Variants in PUM3 observed in about 807,000 individuals in gnomAD.
PUM3 encodes the protein pumilio homolog 3.
Under a neutral mutation model 84.0 loss-of-function variants are expected in PUM3, and 91 were observed. The observed-to-expected ratio is 1.08, with a 90% CI of 0.91 to 1.29. PUM3 has a LOEUF of 1.29. PUM3 is among the 50% of genes most tolerant of loss of function. The pLI is 0.00. For synonymous variants in PUM3, 321 were observed against 266.7 expected (o/e 1.20, Z -1.98); for missense variants, 1,067 against 767.5 (o/e 1.39, Z -4.61).
intron 3 of PUM3, among the ~76,000 whole-genome samples, chr9:2,835,973 T>C (rs1875440): frequency 0.5 from 76,165 of 151,526 alleles, 19,495 homozygotes; most frequent in South Asian, 0.61. Context: ...TGGGATCTAG[T>C]AGAGAGGTTA....
chr9:2,820,888 T>G (rs1292758029), intron 12 of PUM3, among the ~76,000 whole-genome samples: 1 of 152,138 alleles, frequency 6.6e-6, no homozygotes, highest in Non-Finnish European at 1.5e-5. Flanking sequence ...TACTTTATGT[T>G]AAGAACAAAA....
chr9:2,837,254 G>T lies in PUM3; in HGVS notation c.230C>A (p.Ser77Ter). The stretch of plus-strand genomic sequence containing the variant: ...TGCCGGCTGGAATTTGTTCTTTGGT[G>T]ATTTGTCCCCTTGCTGCTTATTCTT... ...QFKNKQQGDK[S>*]PKNKFQPANK... The change falls in exon 3 of 18, where the codon TCA (serine) becomes TAA (stop). Residue 77 changes from serine to a stop codon, truncating the protein, a stop_gained. Coordinates refer to ENST00000397885, the MANE Select transcript of PUM3 (RefSeq NM_014878.5). LOFTEE classifies it high-confidence loss of function. 1 of 1,614,068 alleles carries T rather than the reference G, an allele frequency of 6.2e-7. No individual in the cohort carries two copies.
At chr9:2,824,597 A>C in intron 11 of PUM3, 120 bp downstream of exon 11, 1 of 508,342 alleles carries the variant, frequency 2.0e-6, no homozygotes, top group Non-Finnish European at 3.1e-6. Context: ...TTTGGAAGAT[A>C]ATGCACAACA....
At chr9:2,806,651 G>C (rs1435992481) in intron 17 of PUM3, among the ~76,000 whole-genome samples, 2 of 152,150 alleles carry the variant, frequency 1.3e-5, no homozygotes, top group Admixed American at 6.5e-5. Flanking sequence ...TCTGCACAGA[G>C]AATGTATGGA....
At chr9:2,842,308 T>C (rs1816286315) in intron 1 of PUM3, among the ~76,000 whole-genome samples, 1 of 152,202 alleles carries the variant, frequency 6.6e-6, no homozygotes, top group African/African-American at 2.4e-5. Flanking sequence ...CGCTGCCTGA[T>C]TAACCTTCCA....
At chr9:2,837,511 T>C (rs1032836783) in intron 2 of PUM3, 110 bp from the exon 3 acceptor site, 45 of 683,296 alleles carry the variant, frequency 6.6e-5, no homozygotes, top group Non-Finnish European at 9.8e-5. Context: ...ATACCATGTC[T>C]TACTCTCAAA....
intron 9 of PUM3, 37 bp from the exon 10 acceptor site, chr9:2,827,188 A>G: frequency 1.4e-6 from 2 of 1,446,476 alleles, no homozygotes; most frequent in South Asian, 2.4e-5. Context: ...GACACAACAG[A>G]TCTGGCACTA....
At chr9:2,833,490 C>A (rs990431248) in intron 4 of PUM3, 58 bp from the exon 5 acceptor site, 2 of 982,328 alleles carry the variant, frequency 2.0e-6, no homozygotes, top group Admixed American at 4.5e-5. Flanking sequence ...TTTAAACACA[C>A]AAAATTAAAA....
chr9:2,805,073 A>G (rs1263472312), intron 17 of PUM3, among the ~76,000 whole-genome samples: 1 of 152,176 alleles, frequency 6.6e-6, no homozygotes, highest in African/African-American at 2.4e-5. Flanking sequence ...AGAGCATGCT[A>G]TGTAAACTCT....
intron 1 of PUM3, among the ~76,000 whole-genome samples, chr9:2,841,753 C>A (rs1433864969): frequency 6.6e-6 from 1 of 151,474 alleles, no homozygotes; most frequent in Non-Finnish European, 1.5e-5. Flanking sequence ...AGCCCTTCGG[C>A]CCCTCACCCT....
At chr9:2,836,872 T>A (rs117029100) in intron 3 of PUM3, among the ~76,000 whole-genome samples, 2 of 152,262 alleles carry the variant, frequency 1.3e-5, no homozygotes, top group East Asian at 3.9e-4. Flanking sequence ...CAAATACTCG[T>A]TCGATGAACG....
chr9:2,843,753 T>A (rs575630763), intron 1 of PUM3, among the ~76,000 whole-genome samples: 1 of 151,780 alleles, frequency 6.6e-6, no homozygotes, highest in Non-Finnish European at 1.5e-5. Context: ...TAATTTTTTG[T>A]AGTTTTAGTA....
chr9:2,810,220 A>T, intron 16 of PUM3, 124 bp downstream of exon 16: 1 of 653,394 alleles, frequency 1.5e-6, no homozygotes, highest in South Asian at 1.8e-5. Context: ...TTATTCACAG[A>T]CACCATTTCT....
intron 1 of PUM3, among the ~76,000 whole-genome samples, chr9:2,842,227 A>G (rs945620973): frequency 6.6e-6 from 1 of 151,748 alleles, no homozygotes; most frequent in African/African-American, 2.4e-5. Context: ...CTTTCCCTCT[A>G]TTACCCCATT....
chr9:2,824,208 A>T (rs1214208062), intron 11 of PUM3, among the ~76,000 whole-genome samples: 3 of 152,172 alleles, frequency 2.0e-5, no homozygotes, highest in Non-Finnish European at 4.4e-5. Flanking sequence ...AATTTGCATT[A>T]AAAAAAGTAG....
chr9:2,831,358 T>A lies in PUM3; in HGVS notation c.517-14A>T. On this transcript the variant is annotated splice_polypyrimidine_tract_variant and intron_variant, in intron 5 of 17. Transcript: ENST00000397885. ...TGCAAATGCAATCTGCAGGAAAAAG[T>A]TTGAGTTAGACTAATTCTCTTTTGA... is the stretch of plus-strand genomic sequence containing the variant. The A allele has an allele frequency of 1.3e-6, 2 of 1,538,910 alleles. No homozygotes were observed. Among genetic ancestry groups the A allele is most frequent in the Non-Finnish European group, 1.8e-6 (2 of 1,116,512 alleles).
intron 7 of PUM3, among the ~76,000 whole-genome samples, chr9:2,830,509 T>C (rs1815947301): frequency 6.6e-6 from 1 of 152,192 alleles, no homozygotes; most frequent in African/African-American, 2.4e-5. Flanking sequence ...TTAATACTGG[T>C]GGCTAATTAT....
chr9:2,814,897 T>C (rs1396867523), intron 13 of PUM3, among the ~76,000 whole-genome samples: 1 of 152,168 alleles, frequency 6.6e-6, no homozygotes, highest in Non-Finnish European at 1.5e-5. Flanking sequence ...TTCCTTGGTA[T>C]AGGGAGGAGG....
chr9:2,835,666 G>A (rs928812968), intron 3 of PUM3, among the ~76,000 whole-genome samples: 3 of 152,140 alleles, frequency 2.0e-5, no homozygotes, highest in South Asian at 2.1e-4. Flanking sequence ...GATAGGAACT[G>A]ATCCAGGGCT....
Sources: gnomAD v4.1 joint callset for allele counts (sites outside exome capture counted in the v4.1 genomes callset) on GRCh38, gnomAD v4.1.1 for gene constraint, MANE v1.5 for transcripts, NCBI Gene and HGNC (gene_info 2026-07-23, HGNC 2026-07-21) for gene names.